The following WDPCP variants were observed in gnomAD, a reference collection of about 807,000 sequenced individuals.
The protein encoded by WDPCP is WD repeat containing planar cell polarity effector.
A neutral mutation model predicts 93.1 loss-of-function variants in WDPCP; 71 were observed. That is an observed-to-expected ratio of 0.76 (90% confidence interval 0.63 to 0.93). WDPCP has a LOEUF of 0.93. Ranked by LOEUF, WDPCP falls within the 40% of genes least tolerant of loss-of-function variation. The pLI, the probability that WDPCP is intolerant of heterozygous loss-of-function variation, is 0.00. For synonymous variants in WDPCP, 315 were observed against 315.0 expected, an observed-to-expected ratio of 1.00 and a Z score of 0.00; for missense variants, 844 against 887.4, an observed-to-expected ratio of 0.95 and a Z score of 0.62.
At chr2:63,727,374 C>A (rs1669507897) in intron 2 of WDPCP, among the ~76,000 whole-genome samples, 1 of 152,014 alleles carries the variant, frequency 6.6e-6, no homozygotes, top group Non-Finnish European at 1.5e-5. Context: ...GTTGAAACAA[C>A]CTTGCATCCC....
chr2:63,831,171 A>T (rs574478712), upstream of WDPCP, among the ~76,000 whole-genome samples: 2 of 152,270 alleles, frequency 1.3e-5, no homozygotes, highest in Admixed American at 6.5e-5. Context: ...TTCAAAATAT[A>T]TCTCTAAACT....
At chr2:63,552,255 A>C (rs974990587) in intron 1 of WDPCP, among the ~76,000 whole-genome samples, 3 of 151,272 alleles carry the variant, frequency 2.0e-5, no homozygotes, top group Non-Finnish European at 4.4e-5. Context: ...TATAAAAAAT[A>C]AATTTTCTCT....
intron 12 of WDPCP, among the ~76,000 whole-genome samples, chr2:63,316,273 A>T (rs1051317410): frequency 5.5e-4 from 84 of 152,326 alleles, no homozygotes; most frequent in African/African-American, 1.9e-3. Flanking sequence ...ATGATATGAG[A>T]CAATCAACAC....
intron 2 of WDPCP, among the ~76,000 whole-genome samples, chr2:63,789,591 T>A (rs1670517875): frequency 6.6e-6 from 1 of 152,136 alleles, no homozygotes; most frequent in Non-Finnish European, 1.5e-5. Context: ...ACTCAGCTAG[T>A]GGGAAGCCGA....
chr2:63,336,694 G>A (rs1237117038), intron 12 of WDPCP, among the ~76,000 whole-genome samples: 1 of 151,816 alleles, frequency 6.6e-6, no homozygotes, highest in African/African-American at 2.4e-5. Context: ...TACCCATTAG[G>A]TTGATTTCAG....
chr2:63,490,507 T>C (rs904975864), intron 2 of WDPCP, among the ~76,000 whole-genome samples: 2 of 152,194 alleles, frequency 1.3e-5, no homozygotes, highest in African/African-American at 2.4e-5. Flanking sequence ...TTAGTCTAGA[T>C]AGCAGGAAAG....
chr2:63,173,314 C>T (rs889325961), intron 15 of WDPCP, among the ~76,000 whole-genome samples: 1 of 151,900 alleles, frequency 6.6e-6, no homozygotes, highest in Admixed American at 6.6e-5. Context: ...TTAATTAGCC[C>T]CTCTTTGTTT....
At chr2:63,736,996 C>T (rs934860773) in intron 2 of WDPCP, among the ~76,000 whole-genome samples, 2 of 152,062 alleles carry the variant, frequency 1.3e-5, no homozygotes, top group Non-Finnish European at 2.9e-5. Context: ...ACTCAAACGA[C>T]AGCACAAAAA....
At chr2:63,739,458 TG>T in intron 2 of WDPCP, among the ~76,000 whole-genome samples, 1 of 152,270 alleles carries the variant, frequency 6.6e-6, no homozygotes. Flanking sequence ...TCCATGTCTT[TG>T]CTACTGTGAA....
At chr2:63,589,560 A>C (rs987053184), upstream of WDPCP, among the ~76,000 whole-genome samples, 1 of 152,226 alleles carries the variant, frequency 6.6e-6, no homozygotes, top group Admixed American at 6.5e-5. Context: ...CGCCATATCT[A>C]ATTTCTCAAA....
chr2:63,254,719 C>T (rs979642186), intron 14 of WDPCP, among the ~76,000 whole-genome samples: 1 of 151,908 alleles, frequency 6.6e-6, no homozygotes, highest in African/African-American at 2.4e-5. Flanking sequence ...TTACATATGC[C>T]ATATATAAAG....
At chr2:63,622,662 G>A (rs1329131419) in intron 3 of WDPCP, 2 of 1,613,786 alleles carry the variant, frequency 1.2e-6, no homozygotes, top group Non-Finnish European at 1.7e-6. Flanking sequence ...GTTGGTCTTG[G>A]TCAGGAGTCG....
At chr2:63,357,318 C>G (rs1250297298) in intron 12 of WDPCP, among the ~76,000 whole-genome samples, 1 of 152,120 alleles carries the variant, frequency 6.6e-6, no homozygotes, top group Non-Finnish European at 1.5e-5. Context: ...AAGAAACCAA[C>G]AGAGTAAACA....
intron 13 of WDPCP, among the ~76,000 whole-genome samples, chr2:63,301,717 A>C (rs1685346601): frequency 6.6e-6 from 1 of 152,122 alleles, no homozygotes; most frequent in African/African-American, 2.4e-5. Flanking sequence ...ATAGAGGGAA[A>C]ACAGCAAGGG....
chr2:63,294,365 G>T (rs1161996189), intron 13 of WDPCP, among the ~76,000 whole-genome samples: 1 of 151,938 alleles, frequency 6.6e-6, no homozygotes, highest in Non-Finnish European at 1.5e-5. Flanking sequence ...AAAAAATTCG[G>T]TGGGCATCTT....
intron 13 of WDPCP, among the ~76,000 whole-genome samples, chr2:63,298,184 G>A (rs531027705): frequency 2.0e-5 from 3 of 152,196 alleles, no homozygotes; most frequent in South Asian, 4.1e-4. Context: ...TGGGTGTCAC[G>A]GCCCATAACA....
intron 14 of WDPCP, among the ~76,000 whole-genome samples, chr2:63,222,476 C>T (rs1677925796): frequency 6.6e-6 from 1 of 152,200 alleles, no homozygotes; most frequent in South Asian, 2.1e-4. Context: ...TCATGTCAAG[C>T]ACCTAGTGTT....
intron 12 of WDPCP, among the ~76,000 whole-genome samples, chr2:63,343,999 G>A (rs143861148): frequency 6.6e-6 from 1 of 151,946 alleles, no homozygotes; most frequent in Admixed American, 6.6e-5. Context: ...TTAAGTCTTT[G>A]TCTAGTAATT....
chr2:63,754,144 T>C (rs985877594), intron 2 of WDPCP, among the ~76,000 whole-genome samples: 5 of 152,244 alleles, frequency 3.3e-5, no homozygotes, highest in Admixed American at 3.3e-4. Flanking sequence ...TATGCCATCA[T>C]GTCAGTTGGC....
Sources: allele counts gnomAD v4.1 joint callset (sites outside exome capture counted in the v4.1 genomes callset), GRCh38; gene constraint gnomAD v4.1.1; transcripts MANE v1.5; gene names NCBI Gene and HGNC (gene_info 2026-07-23, HGNC 2026-07-21).